The following RORA variants were observed in gnomAD, a reference collection of about 807,000 sequenced individuals.
RORA encodes the protein nuclear receptor ROR-alpha.
RORA carries 7 observed loss-of-function variants against 69.5 expected under a neutral mutation model. The ratio of observed to expected loss-of-function variants is 0.10; its 90% CI spans 0.06 to 0.19. The LOEUF (loss-of-function observed/expected upper bound fraction) is 0.19. RORA is among the 10% of genes least tolerant of loss of function. RORA has a pLI of 1.00. For missense variants in RORA, 457 were observed against 663.0 expected (o/e 0.69, Z 3.41); for synonymous variants, 261 against 240.8 (o/e 1.08, Z -0.78).
chr15:60,947,283 C>G (rs1055372527), intron 1 of RORA, among the ~76,000 whole-genome samples: 7 of 152,158 alleles, frequency 4.6e-5, no homozygotes, highest in Non-Finnish European at 8.8e-5. Context: ...ATAGAGAAAT[C>G]AGATTGTTGC....
chr15:60,780,323 A>G (rs920737837), intron 1 of RORA, among the ~76,000 whole-genome samples: 2 of 152,322 alleles, frequency 1.3e-5, no homozygotes, highest in East Asian at 3.9e-4. Flanking sequence ...AAAAAGTTCC[A>G]CATGGACTGG....
chr15:61,228,701 C>T lies in RORA; in HGVS notation c.166+352G>A, dbSNP rs1015911883. Reference sequence around the variant, plus strand: ...CTTTAAAAGTTTCTTTCCCGGGCCCCCACTCCCCGCATCTCCGTATTTTGG... The same window carrying T: ...CTTTAAAAGTTTCTTTCCCGGGCCCTCACTCCCCGCATCTCCGTATTTTGG... On this transcript the variant is annotated intron_variant, in intron 1 of 10. Coordinates refer to ENST00000335670, the MANE Select transcript of RORA (RefSeq NM_134261.3). 2.0e-5 allele frequency among the ~76,000 whole-genome samples: 3 copies of T among 152,238 alleles called. No individual in the cohort carries two copies. In the South Asian group the frequency reaches 6.2e-4, roughly 32 times the overall value.
At chr15:60,664,570 A>T (rs2070354322) in intron 2 of RORA, among the ~76,000 whole-genome samples, 2 of 152,214 alleles carry the variant, frequency 1.3e-5, no homozygotes, top group East Asian at 1.9e-4. Flanking sequence ...ATGAGAAAAG[A>T]ATTATTGTGA....
chr15:60,733,449 G>A (rs1204004403), intron 1 of RORA, among the ~76,000 whole-genome samples: 1 of 152,198 alleles, frequency 6.6e-6, no homozygotes, highest in Non-Finnish European at 1.5e-5. Flanking sequence ...TGAAGAGTGA[G>A]CAGTGTTACT....
At chr15:61,114,799 G>A (rs1057101149) in intron 1 of RORA, among the ~76,000 whole-genome samples, 1 of 152,124 alleles carries the variant, frequency 6.6e-6, no homozygotes, top group Non-Finnish European at 1.5e-5. Flanking sequence ...AGACCCAACC[G>A]ATATTTGCCC....
At chr15:60,791,024 T>G (rs1023049663) in intron 1 of RORA, among the ~76,000 whole-genome samples, 2 of 151,206 alleles carry the variant, frequency 1.3e-5, no homozygotes, top group Admixed American at 6.6e-5. Context: ...TTCATTGTCT[T>G]TTGCTTGTTT....
chr15:60,848,860 C>T (rs1315468083), intron 1 of RORA: 5 of 152,212 alleles, frequency 3.3e-5, no homozygotes, highest in African/African-American at 9.7e-5. Context: ...CACTAGGCCC[C>T]TACTCCAACA....
chr15:60,855,129 C>T (rs1323245820), intron 1 of RORA, among the ~76,000 whole-genome samples: 2 of 152,140 alleles, frequency 1.3e-5, no homozygotes. Context: ...TTTATTAGCC[C>T]GCATATAACT....
intron 1 of RORA, among the ~76,000 whole-genome samples, chr15:60,769,356 C>G (rs341463): frequency 2.6e-5 from 4 of 152,114 alleles, no homozygotes; most frequent in African/African-American, 9.7e-5. Context: ...GGGTTAGGTG[C>G]TCTTACATGG....
intron 1 of RORA, among the ~76,000 whole-genome samples, chr15:60,756,615 G>A (rs2071804784): frequency 1.3e-5 from 2 of 152,088 alleles, no homozygotes; most frequent in East Asian, 1.9e-4. Flanking sequence ...TTAATTTTTT[G>A]TATAGATGTG....
chr15:60,839,042 C>A (rs558800841), intron 1 of RORA, among the ~76,000 whole-genome samples: 1 of 152,080 alleles, frequency 6.6e-6, no homozygotes, highest in Non-Finnish European at 1.5e-5. Flanking sequence ...GCGCCCGCCA[C>A]CACACCCACC....
intron 1 of RORA, among the ~76,000 whole-genome samples, chr15:60,720,128 T>C (rs2071273335): frequency 6.6e-6 from 1 of 152,190 alleles, no homozygotes; most frequent in Admixed American, 6.5e-5. Context: ...CTCATACTGC[T>C]GTGTGTTACT....
chr15:61,146,464 AC>A (rs1186941457), intron 1 of RORA, among the ~76,000 whole-genome samples: 1 of 99,404 alleles, frequency 1.0e-5, no homozygotes, highest in East Asian at 1.9e-4. Context: ...ACACATACAC[AC>A]ACACACACAC....
intron 1 of RORA, among the ~76,000 whole-genome samples, chr15:61,072,621 T>C (rs542163705): frequency 1.3e-5 from 2 of 152,238 alleles, no homozygotes; most frequent in Non-Finnish European, 2.9e-5. Flanking sequence ...GTGTCTTTTT[T>C]TCTATACATT....
intron 1 of RORA, among the ~76,000 whole-genome samples, chr15:61,109,707 G>A (rs940053466): frequency 4.6e-5 from 7 of 152,126 alleles, no homozygotes; most frequent in Non-Finnish European, 7.3e-5. Context: ...AAAAGCATGC[G>A]CTCTGAAACA....
chr15:61,066,530 A>G (rs113984402), intron 1 of RORA, among the ~76,000 whole-genome samples: 1,777 of 148,728 alleles, frequency 0.012, 30 homozygotes, highest in African/African-American at 0.042. Flanking sequence ...AGGTTCAAGC[A>G]ATTCTCCTGC....
chr15:60,567,578 T>A (rs1202434501), intron 2 of RORA, among the ~76,000 whole-genome samples: 2 of 151,910 alleles, frequency 1.3e-5, no homozygotes, highest in Non-Finnish European at 1.5e-5. Context: ...ACCCAACTAA[T>A]TTTTGTATTT....
chr15:60,925,508 A>C (rs756673973), intron 1 of RORA, among the ~76,000 whole-genome samples: 2 of 152,148 alleles, frequency 1.3e-5, no homozygotes, highest in Non-Finnish European at 2.9e-5. Flanking sequence ...CTGTAGGCCC[A>C]GTTGTAAAGA....
chr15:60,807,678 C>T (rs1230681853), intron 1 of RORA, among the ~76,000 whole-genome samples: 2 of 152,212 alleles, frequency 1.3e-5, no homozygotes, highest in Non-Finnish European at 2.9e-5. Context: ...TCAAACTATA[C>T]TATACGGCCA....
Sources: gnomAD v4.1 joint callset for allele counts (sites outside exome capture counted in the v4.1 genomes callset) on GRCh38, gnomAD v4.1.1 for gene constraint, MANE v1.5 for transcripts, NCBI Gene and HGNC (gene_info 2026-07-23, HGNC 2026-07-21) for gene names.